Variants in NRCAM observed in about 807,000 individuals in gnomAD.
NRCAM encodes the protein NgCAM-related cell adhesion molecule.
NRCAM carries 83 observed loss-of-function variants against 156.5 expected under a neutral mutation model. That is an observed-to-expected ratio of 0.53 (90% CI 0.44 to 0.64). The LOEUF (loss-of-function observed/expected upper bound fraction) is 0.64. Among genes scored for constraint, NRCAM ranks in the 30% least tolerant of loss-of-function variants. The probability of loss-of-function intolerance (pLI) is 0.00; values close to 1 mark genes in which losing one functional copy is unlikely to be tolerated. For missense variants in NRCAM, 1,417 were observed against 1,597.3 expected (o/e 0.89, Z 1.92); for synonymous variants, 538 against 563.9 (o/e 0.95, Z 0.65).
rs2094454124 is a variant in NRCAM at position 108,232,539 on chromosome 7, G to A, written c.231-17C>T. On this transcript the variant is annotated splice_polypyrimidine_tract_variant and intron_variant, in intron 6 of 32. Coordinates refer to ENST00000379028, the MANE Select transcript of NRCAM (RefSeq NM_001037132.4). ...CAGGAAAAGCTGCCCAACACACGAA[G>A]TGTTAAGTGTATTAATGGTCCAGAA... 1.9e-6 allele frequency: 3 copies of A among 1,583,796 alleles called. No individual in the cohort carries two copies. Among genetic ancestry groups the A allele is most frequent in the African/African-American group, 1.4e-5 (1 of 73,382 alleles).
At chr7:108,394,382 T>A (rs4730309) in intron 2 of NRCAM, among the ~76,000 whole-genome samples, 50,518 of 152,008 alleles carry the variant, frequency 0.33, 8,850 homozygotes, top group East Asian at 0.49. Context: ...GAGTTACAGA[T>A]TATATCATTT....
chr7:108,224,701 C>T (rs550518884), intron 10 of NRCAM, among the ~76,000 whole-genome samples: 2 of 152,152 alleles, frequency 1.3e-5, no homozygotes, highest in South Asian at 4.2e-4. Flanking sequence ...ATGAATTATT[C>T]TCATTTCTCA....
chr7:108,265,460 A>ATG (rs1403624094), intron 3 of NRCAM, among the ~76,000 whole-genome samples: 1 of 152,146 alleles, frequency 6.6e-6, no homozygotes, highest in African/African-American at 2.4e-5. Context: ...AGAGTCCTCC[A>ATG]TGTCTTTCTC....
At chr7:108,353,460 C>T (rs1267149877) in intron 2 of NRCAM, among the ~76,000 whole-genome samples, 1 of 150,302 alleles carries the variant, frequency 6.7e-6, no homozygotes, top group Non-Finnish European at 1.5e-5. Context: ...GTTAGAGCTA[C>T]AGGCATGTGC....
chr7:108,404,444 T>C (rs1256147590), intron 1 of NRCAM, among the ~76,000 whole-genome samples: 1 of 152,208 alleles, frequency 6.6e-6, no homozygotes, highest in South Asian at 2.1e-4. Flanking sequence ...TCTCATTTAA[T>C]ACTGAAAACG....
chr7:108,344,049 C>T (rs1163240443), intron 2 of NRCAM, among the ~76,000 whole-genome samples: 2 of 152,284 alleles, frequency 1.3e-5, no homozygotes, highest in African/African-American at 4.8e-5. Context: ...AGGCAACCCT[C>T]CTGAGGAAAT....
At position 108,227,757 on chromosome 7, in the gene NRCAM, A is replaced by T. The variant is rs78583191; in HGVS notation, c.551-1379T>A. ...CACATCCCAGTGGCCTCAGGCCACT[A>T]TGTCTCCTGACAGGGTTTTTGCAGT... On this transcript the variant is annotated intron_variant, in intron 8 of 32. Transcript: ENST00000379028. Among the ~76,000 whole-genome samples the T allele has an allele frequency of 7.0e-3, 1,066 of 152,314 alleles. 20 individuals carry two copies. The highest frequency in any genetic ancestry group is 0.024 in the African/African-American group (992 of 41,584).
intron 3 of NRCAM, among the ~76,000 whole-genome samples, chr7:108,278,038 CCT>C (rs1335598691): frequency 6.6e-6 from 1 of 152,188 alleles, no homozygotes; most frequent in Non-Finnish European, 1.5e-5. Flanking sequence ...CACTCCAGAC[CCT>C]GTTTGCCTGA....
chr7:108,232,220 A>G, intron 7 of NRCAM, 106 bp downstream of exon 7: 1 of 808,536 alleles, frequency 1.2e-6, no homozygotes, highest in Non-Finnish European at 1.9e-6. Flanking sequence ...GAATATTGGA[A>G]GCAATGCCAC....
At chr7:108,436,573 G>T (rs1832477728) in intron 1 of NRCAM, among the ~76,000 whole-genome samples, 1 of 152,054 alleles carries the variant, frequency 6.6e-6, no homozygotes, top group African/African-American at 2.4e-5. Flanking sequence ...GAATACAGGG[G>T]AGCTGATTTT....
intron 14 of NRCAM, among the ~76,000 whole-genome samples, chr7:108,197,556 G>C (rs1043924966): frequency 1.2e-4 from 19 of 152,098 alleles, no homozygotes; most frequent in Non-Finnish European, 1.5e-5. Flanking sequence ...ATGGATAAAG[G>C]CCAAGCATTA....
intron 1 of NRCAM, among the ~76,000 whole-genome samples, chr7:108,443,629 TAAAC>T (rs1279535242): frequency 6.6e-6 from 1 of 152,178 alleles, no homozygotes; most frequent in African/African-American, 2.4e-5. Context: ...TGTAGAGACT[TAAAC>T]AAAATATGTG....
rs28565878 is a variant in NRCAM, at chr7:108,186,884, C to A, written c.2036-2270G>T. ...TCCATGTGGCACTTGCTTTTTATCA[C>A]AGCAAACGCTTTGCAGAGATATAAC... On this transcript the variant is annotated intron_variant, in intron 20 of 32. Coordinates refer to ENST00000379028, the MANE Select transcript of NRCAM (RefSeq NM_001037132.4). Among the ~76,000 whole-genome samples, 1,039 of 152,298 alleles carry A rather than the reference C, an allele frequency of 6.8e-3. 10 individuals are homozygous for A. The highest frequency in any genetic ancestry group is 0.024 in the African/African-American group (977 of 41,560).
intron 8 of NRCAM, among the ~76,000 whole-genome samples, chr7:108,229,684 C>CTTCTGACTCAGGTAT (rs2094033399): frequency 6.6e-6 from 1 of 152,148 alleles, no homozygotes; most frequent in Non-Finnish European, 1.5e-5. Flanking sequence ...TGGAATCCTC[C>CTTCTGACTCAGGTAT]TTCTGACTCA....
Position 108,439,093 on chromosome 7 carries a change from T to C in NRCAM, c.-332+17150A>G, listed in dbSNP as rs554153292. Among the ~76,000 whole-genome samples, 7 of 152,220 alleles carry C rather than the reference T, an allele frequency of 4.6e-5. No homozygotes were observed. In the South Asian group the frequency reaches 1.5e-3, roughly 32 times the overall value. On this transcript the variant is annotated intron_variant, in intron 1 of 32. Coordinates refer to ENST00000379028, the MANE Select transcript of NRCAM (RefSeq NM_001037132.4). ...ACCTACCAAAATCTTAGCACTTTTT[T>C]CCATGAAATTAACAAGTTGACCTTA...
intron 3 of NRCAM, among the ~76,000 whole-genome samples, chr7:108,296,428 T>C (rs1056887277): frequency 6.6e-6 from 1 of 152,166 alleles, no homozygotes; most frequent in African/African-American, 2.4e-5. Context: ...AGAAAGTCCC[T>C]GGCACATGGA....
At chr7:108,285,616 A>G (rs1452763235) in intron 3 of NRCAM, among the ~76,000 whole-genome samples, 2 of 152,232 alleles carry the variant, frequency 1.3e-5, no homozygotes, top group Non-Finnish European at 2.9e-5. Context: ...TTACTAGACC[A>G]GTCTCTCCAG....
intron 1 of NRCAM, among the ~76,000 whole-genome samples, chr7:108,455,504 G>A (rs1856005433): frequency 6.6e-6 from 1 of 152,094 alleles, no homozygotes; most frequent in Admixed American, 6.5e-5. Context: ...GCCCTCGGAG[G>A]CAGGGCGGGG....
At chr7:108,419,553 T>C (rs902418194) in intron 1 of NRCAM, among the ~76,000 whole-genome samples, 2 of 508 alleles carry the variant, frequency 3.9e-3, no homozygotes, top group African/African-American at 0.021. Context: ...GCAGTATATA[T>C]AGAGTTTGAG....
Sources: gnomAD v4.1 joint callset for allele counts (sites outside exome capture counted in the v4.1 genomes callset) on GRCh38, gnomAD v4.1.1 for gene constraint, MANE v1.5 for transcripts, NCBI Gene and HGNC (gene_info 2026-07-23, HGNC 2026-07-21) for gene names.